Variants in PPP4R3C observed in about 807,000 individuals in gnomAD.
The protein encoded by PPP4R3C is protein phosphatase 4 regulatory subunit 3C.
For missense variants in PPP4R3C, 372 were observed against 237.3 expected (o/e 1.57, Z -3.73); for synonymous variants, 150 against 86.5 (o/e 1.73, Z -4.07).
chrX:27,461,184 C>T lies in PPP4R3C; in HGVS notation c.2113G>A (p.Glu705Lys), dbSNP rs772443707. ...PPLEDDDEFM[E>K]TKRTQEGEAV... The stretch of plus-strand genomic sequence containing the variant: ...TCTCCTTCTTGGGTTCTTTTGGTCT[C>T]CATAAATTCATCGTCATCTTCCAGT... The change falls in exon 1 of 1, where the codon GAG becomes AAG. Residue 705 changes from glutamate to lysine, a missense_variant. Physicochemically the swap from Glu to Lys is moderately conservative, Grantham distance 56 (BLOSUM62 1). Transcript: ENST00000412172. The T allele has an allele frequency of 5.9e-6, 3 of 512,406 alleles. No individual in the cohort carries two copies. The East Asian group carries it at 1.1e-4, about 19-fold the overall frequency. 42.2% of individuals were successfully genotyped at this position (512,406 alleles called of 1,213,427 possible).
chrX:27,462,700 C>T lies in PPP4R3C; in HGVS notation c.597G>A (p.Lys199=), dbSNP rs1922997308. The T allele has an allele frequency of 1.7e-5, 9 of 535,898 alleles. No homozygotes were observed. Among genetic ancestry groups the T allele is most frequent in the Non-Finnish European group, 2.7e-5 (8 of 297,051 alleles). 44.2% of individuals were successfully genotyped at this position (535,898 alleles called of 1,213,427 possible). ...EGLHHLYEII[K]GILFLNEACL... ...ATGCCTCGTTGAGGAACAAAATTCC[C>T]TTAATAATTTCATACAAATGGTGTA... Residue 199 remains lysine (K), a synonymous_variant, in exon 1 of 1, where the codon AAG becomes AAA. Transcript: ENST00000412172.
At position 27,461,491 on chromosome X, in the gene PPP4R3C, A is replaced by T; in HGVS notation, c.1806T>A (p.Ala602=). The T allele has an allele frequency of 1.9e-6, 1 of 517,854 alleles. No individual in the cohort carries two copies. The highest frequency in any genetic ancestry group is 2.5e-5 in the South Asian group (1 of 40,520). 42.7% of individuals were successfully genotyped at this position (517,854 alleles called of 1,213,427 possible). A position where few individuals can be genotyped will look rare whatever the true frequency, so the allele number is the denominator to read the frequency against. The change falls in exon 1 of 1, where the codon GCT becomes GCA. Residue 602 remains alanine (A), a synonymous_variant. Coordinates refer to ENST00000412172, the MANE Select transcript of PPP4R3C (RefSeq NM_207319.4). The part of the protein sequence containing the change: ...NGTRYNMLNS[A]ILELFEYIRV... ...TTATGTATTCAAATAGCTCAAGAAT[A>T]GCTGAATTCAACATATTGTACCGAG...
At position 27,462,213 on chromosome X, in the gene PPP4R3C, A is replaced by G. The variant is rs1755300118; in HGVS notation, c.1084T>C (p.Leu362=). Reference sequence around the variant, plus strand: ...ATTTTAAGAGCAGGAAGAACTCCCAACTGTATCAACGTTTCAAATAGTGCA... The same window carrying G: ...ATTTTAAGAGCAGGAAGAACTCCCAGCTGTATCAACGTTTCAAATAGTGCA... ...KDALFETLIQ[L]GVLPALKIVM... Residue 362 remains leucine, a synonymous_variant, in exon 1 of 1, where the codon TTG becomes CTG. Coordinates refer to ENST00000412172, the MANE Select transcript of PPP4R3C (RefSeq NM_207319.4). The G allele has an allele frequency of 3.9e-6, 2 of 514,946 alleles. No individual in the cohort carries two copies. Among genetic ancestry groups the G allele is most frequent in the Non-Finnish European group, 7.0e-6 (2 of 287,007 alleles). The allele number at this position is 514,946 out of a possible 1,213,427, so 42.4% of individuals were successfully genotyped here.
chrX:27,461,246 C>T lies in PPP4R3C; in HGVS notation c.2051G>A (p.Cys684Tyr), dbSNP rs1177871466. The T allele has an allele frequency of 2.1e-5, 11 of 513,505 alleles. No individual in the cohort carries two copies. The highest frequency in any genetic ancestry group is 1.9e-4 in the Admixed American group (7 of 37,589). 42.3% of individuals were successfully genotyped at this position (513,505 alleles called of 1,213,427 possible). The change falls in exon 1 of 1, where the codon TGT becomes TAT. Residue 684 changes from cysteine to tyrosine, a missense_variant. Physicochemically the swap from Cys to Tyr is radical, Grantham distance 194 (BLOSUM62 -2). Coordinates refer to ENST00000412172, the MANE Select transcript of PPP4R3C (RefSeq NM_207319.4). ...IEEIGLEEEI[C>Y]FMEDAGEVVM... is the part of the protein sequence containing the mutation. ...TACTTCTCCTGCATCTTCCATAAAACATATTTCTTCTTCCAGCCCAATTTC... is the reference window on the plus strand; with the variant it reads ...TACTTCTCCTGCATCTTCCATAAAATATATTTCTTCTTCCAGCCCAATTTC...
rs755523523 is a variant in PPP4R3C at position 27,462,713 on chromosome X, T to C, written c.584A>G (p.Tyr195Cys). Residue 195 changes from tyrosine (Y) to cysteine (C), a missense_variant, in exon 1 of 1, where the codon TAT becomes TGT. Physicochemically the swap from Tyr to Cys is radical, Grantham distance 194 (BLOSUM62 -2). Coordinates refer to ENST00000412172, the MANE Select transcript of PPP4R3C (RefSeq NM_207319.4). ...LENTEGLHHL[Y>C]EIIKGILFLN... ...GAACAAAATTCCCTTAATAATTTCA[T>C]ACAAATGGTGTAAACCTTCAGTATT... 1 of 529,836 alleles carries C rather than the reference T, an allele frequency of 1.9e-6. No individual in the cohort carries two copies. The highest frequency in any genetic ancestry group is 2.4e-5 in the South Asian group (1 of 41,526). 43.7% of individuals were successfully genotyped at this position (529,836 alleles called of 1,213,427 possible).
chrX:27,463,110 C>A lies in PPP4R3C; in HGVS notation c.187G>T (p.Gly63Trp), dbSNP rs181556689. 6.8e-5 allele frequency: 35 copies of A among 512,563 alleles called. No homozygotes were observed. The highest frequency in any genetic ancestry group is 1.1e-4 in the Non-Finnish European group (31 of 286,623). 42.2% of individuals were successfully genotyped at this position (512,563 alleles called of 1,213,427 possible). The part of the protein sequence containing the change: ...RSQIPPDRPY[G>W]KYQETLIVWY... The stretch of plus-strand genomic sequence containing the variant: ...ACAATTAGTGTCTCTTGGTATTTCC[C>A]ATAGGGCCTGTCTGGAGGTATCTGT... Residue 63 changes from glycine to tryptophan, a missense_variant, in exon 1 of 1, where the codon GGG becomes TGG. Gly to Trp is a radical substitution (Grantham distance 184). Transcript: ENST00000412172.
At position 27,461,208 on chromosome X, in the gene PPP4R3C, G is replaced by T. The variant is rs990989188; in HGVS notation, c.2089C>A (p.Leu697Met). 5.9e-6 allele frequency: 3 copies of T among 510,820 alleles called. No homozygotes were observed. The African/African-American group carries it at 7.0e-5, about 12-fold the overall frequency. 42.1% of individuals were successfully genotyped at this position (510,820 alleles called of 1,213,427 possible). The stretch of plus-strand genomic sequence containing the variant: ...TCCATAAATTCATCGTCATCTTCCA[G>T]TGGTGGCATAACTACTTCTCCTGCA... ...EDAGEVVMPPLEDDDEFMETK... is the reference protein window; with the variant it reads ...EDAGEVVMPPMEDDDEFMETK... Residue 697 changes from leucine to methionine, a missense_variant, in exon 1 of 1, where the codon CTG becomes ATG. Physicochemically the swap from Leu to Met is conservative, Grantham distance 15. Transcript: ENST00000412172.
rs1457602408 is a variant in PPP4R3C at position 27,463,313 on chromosome X, G to A, written c.-17C>T. 2 of 495,829 alleles carry A rather than the reference G, an allele frequency of 4.0e-6. No homozygotes were observed. The highest frequency in any genetic ancestry group is 7.2e-6 in the Non-Finnish European group (2 of 276,705). The allele number at this position is 495,829 out of a possible 1,213,427, so 40.9% of individuals were successfully genotyped here. On this transcript the variant is annotated 5_prime_UTR_variant, in exon 1 of 1. Transcript: ENST00000412172. ...GCCTGCCATAGCGTCCTCTGGCCTCGCCCCGTCAGGTCTGTTCTCCACGGC... is the reference window on the plus strand; with the variant it reads ...GCCTGCCATAGCGTCCTCTGGCCTCACCCCGTCAGGTCTGTTCTCCACGGC...
In PPP4R3C at chrX:27,462,915, T is replaced by C; in HGVS notation, c.382A>G (p.Ser128Gly). The change falls in exon 1 of 1, where the codon AGT becomes GGT. Residue 128 changes from serine to glycine, a missense_variant. Coordinates refer to ENST00000412172, the MANE Select transcript of PPP4R3C (RefSeq NM_207319.4). ...EEDFNEMSVI[S>G]NMVVLPDCEL... The stretch of plus-strand genomic sequence containing the variant: ...CAGTCAGGCAGCACAACCATATTAC[T>C]AATTACTGACATTTCATTAAAGTCT... The C allele has an allele frequency of 1.9e-6, 1 of 515,296 alleles. No homozygotes were observed. The highest frequency in any genetic ancestry group is 3.5e-6 in the Non-Finnish European group (1 of 287,084). The allele number at this position is 515,296 out of a possible 1,213,427, so 42.5% of individuals were successfully genotyped here.
rs1412795040 is a variant in PPP4R3C at position 27,462,813 on chromosome X, G to C, written c.484C>G (p.Leu162Val). The change falls in exon 1 of 1, where the codon CTG becomes GTG. Residue 162 changes from leucine (L) to valine (V), a missense_variant. Physicochemically the swap from Leu to Val is conservative, Grantham distance 32. Transcript: ENST00000412172. ...GCCTCATTTTTCAAGATCTCAGCCA[G>C]TCTTTCCCTATCCGTAACAGGTGAC... ...FSSPVTDRER[L>V]AEILKNEAYI... is the part of the protein sequence containing the mutation. 2 of 513,997 alleles carry C rather than the reference G, an allele frequency of 3.9e-6. 1 individual carries two copies. The highest frequency in any genetic ancestry group is 7.2e-5 in the East Asian group (2 of 27,691). The allele number at this position is 513,997 out of a possible 1,213,427, so 42.4% of individuals were successfully genotyped here.
In PPP4R3C at chrX:27,461,764, A is replaced by G; in HGVS notation, c.1533T>C (p.Leu511=). 1.9e-6 allele frequency: 1 copy of G among 515,407 alleles called. No individual in the cohort carries two copies. Among genetic ancestry groups the G allele is most frequent in the East Asian group, 3.6e-5 (1 of 27,759 alleles). 42.5% of individuals were successfully genotyped at this position (515,407 alleles called of 1,213,427 possible). A position where few individuals can be genotyped will look rare whatever the true frequency, so the allele number is the denominator to read the frequency against. ...CPNDNQTAQL[L]ALILELLTFC... ...ATGTAAGTAGCTCTAATATCAAAGC[A>G]AGCAGTTGTGCTGTTTGATTATCAT... Residue 511 remains leucine (L), a synonymous_variant, in exon 1 of 1, where the codon CTT becomes CTC. Coordinates refer to ENST00000412172, the MANE Select transcript of PPP4R3C (RefSeq NM_207319.4).
rs1172522577 is a variant in PPP4R3C, at chrX:27,460,840, T to G, written c.2457A>C (p.Glu819Asp). 3 of 510,191 alleles carry G rather than the reference T, an allele frequency of 5.9e-6. No individual in the cohort carries two copies. The highest frequency in any genetic ancestry group is 7.0e-6 in the Non-Finnish European group (2 of 286,033). 42.0% of individuals were successfully genotyped at this position (510,191 alleles called of 1,213,427 possible). A position where few individuals can be genotyped will look rare whatever the true frequency, so the allele number is the denominator to read the frequency against. Reference protein sequence around the residue: ...EDEEEKEEDKEDETSPKKKPH... With the variant: ...EDEEEKEEDKDDETSPKKKPH... Reference sequence around the variant, plus strand: ...GTTTCTTCTTGGGGGATGTTTCATCTTCTTTATCTTCCTCTTTTTCTTCTT... The same window carrying G: ...GTTTCTTCTTGGGGGATGTTTCATCGTCTTTATCTTCCTCTTTTTCTTCTT... The change falls in exon 1 of 1, where the codon GAA becomes GAC. Residue 819 changes from glutamate (E) to aspartate (D), a missense_variant. Glu to Asp is a conservative substitution (Grantham distance 45). Coordinates refer to ENST00000412172, the MANE Select transcript of PPP4R3C (RefSeq NM_207319.4).
rs1222814368 is a variant in PPP4R3C, at chrX:27,463,012, T to C, written c.285A>G (p.Lys95=). ...QDPAGCQDIW[K]EICQAQGKDP... is the part of the protein sequence containing the mutation. ...CCTTACCTTGAGCTTGGCAAATTTC[T>C]TTCCAAATATCCTGGCAGCCGGCTG... is the stretch of plus-strand genomic sequence containing the variant. Residue 95 remains lysine, a synonymous_variant, in exon 1 of 1, where the codon AAA becomes AAG. Coordinates refer to ENST00000412172, the MANE Select transcript of PPP4R3C (RefSeq NM_207319.4). 2 of 513,314 alleles carry C rather than the reference T, an allele frequency of 3.9e-6. No homozygotes were observed. Among genetic ancestry groups the C allele is most frequent in the East Asian group, 3.6e-5 (1 of 27,646 alleles). The allele number at this position is 513,314 out of a possible 1,213,427, so 42.3% of individuals were successfully genotyped here.
rs1305786854 is a variant in PPP4R3C at position 27,462,983 on chromosome X, G to A, written c.314C>T (p.Pro105Leu). The A allele has an allele frequency of 4.3e-5, 22 of 513,101 alleles. No individual in the cohort carries two copies. Among genetic ancestry groups the A allele is most frequent in the Non-Finnish European group, 6.6e-5 (19 of 286,726 alleles). 42.3% of individuals were successfully genotyped at this position (513,101 alleles called of 1,213,427 possible). A position where few individuals can be genotyped will look rare whatever the true frequency, so the allele number is the denominator to read the frequency against. The change falls in exon 1 of 1, where the codon CCG becomes CTG. Residue 105 changes from proline to leucine, a missense_variant. Pro to Leu is a moderately conservative substitution (Grantham distance 98). Transcript: ENST00000412172. ...AATGTTCACTGTGGTTTGGATAGAC[G>A]GATCCTTACCTTGAGCTTGGCAAAT... is the stretch of plus-strand genomic sequence containing the variant. ...KEICQAQGKD[P>L]SIQTTVNISD...
chrX:27,461,120 G>A lies in PPP4R3C; in HGVS notation c.2177C>T (p.Thr726Met), dbSNP rs779418333. ...TTCTTGGTGGGTTCTTTTGGTCTCC[G>A]TAAATTTATCGTCATCTTCCAGTGG... ...MPPLEDDDKF[T>M]ETKRTHQEGE... is the part of the protein sequence containing the mutation. The change falls in exon 1 of 1, where the codon ACG (threonine) becomes ATG (methionine). Residue 726 changes from threonine to methionine, a missense_variant. Physicochemically the swap from Thr to Met is moderately conservative, Grantham distance 81. Transcript: ENST00000412172. 6.1e-5 allele frequency: 31 copies of A among 506,649 alleles called. No homozygotes were observed. The highest frequency in any genetic ancestry group is 4.4e-4 in the African/African-American group (18 of 41,308). 41.8% of individuals were successfully genotyped at this position (506,649 alleles called of 1,213,427 possible).
rs1922954863 is a variant in PPP4R3C at position 27,461,142 on chromosome X, G to A, written c.2155C>T (p.Leu719=). Residue 719 remains leucine, a synonymous_variant, in exon 1 of 1, where the codon CTG becomes TTG. Coordinates refer to ENST00000412172, the MANE Select transcript of PPP4R3C (RefSeq NM_207319.4). ...TCCGTAAATTTATCGTCATCTTCCA[G>A]TGGTGGCATAACTGCTTCTCCTTCT... is the stretch of plus-strand genomic sequence containing the variant. The part of the protein sequence containing the change: ...TQEGEAVMPP[L]EDDDKFTETK... The A allele has an allele frequency of 7.8e-6, 4 of 513,400 alleles. No homozygotes were observed. The highest frequency in any genetic ancestry group is 2.7e-5 in the Admixed American group (1 of 37,663). 42.3% of individuals were successfully genotyped at this position (513,400 alleles called of 1,213,427 possible).
rs1922942683 is a variant in PPP4R3C at position 27,460,789 on chromosome X, A to G, written c.*9T>C. 1 of 485,445 alleles carries G rather than the reference A, an allele frequency of 2.1e-6. No individual in the cohort carries two copies. The highest frequency in any genetic ancestry group is 2.4e-5 in the African/African-American group (1 of 41,572). 40.0% of individuals were successfully genotyped at this position (485,445 alleles called of 1,213,427 possible). ...TTGAGCCACATTTTGAGGGTGCCCC[A>G]TATAGATTTTAGGAGCTAAGATGAG... On this transcript the variant is annotated 3_prime_UTR_variant, in exon 1 of 1. Transcript: ENST00000412172.
Position 27,461,839 on chromosome X carries a change from G to A in PPP4R3C, c.1458C>T (p.Asn486=). 3.9e-6 allele frequency: 2 copies of A among 515,304 alleles called. No homozygotes were observed. The highest frequency in any genetic ancestry group is 2.5e-5 in the South Asian group (1 of 40,770). 42.5% of individuals were successfully genotyped at this position (515,304 alleles called of 1,213,427 possible). ...ATCCAGCTATATCATCCTCCTCACA[G>A]TTGTGTTCTGAGGTGGCAGCCAAAA... The part of the protein sequence containing the change: ...APLLAATSEH[N]CEEDDIAGYD... Residue 486 remains asparagine, a synonymous_variant, in exon 1 of 1, where the codon AAC becomes AAT. Coordinates refer to ENST00000412172, the MANE Select transcript of PPP4R3C (RefSeq NM_207319.4).
rs1480258227 is a variant in PPP4R3C at position 27,462,863 on chromosome X, G to C, written c.434C>G (p.Ala145Gly). Residue 145 changes from alanine (A) to glycine (G), a missense_variant, in exon 1 of 1, where the codon GCT (alanine) becomes GGT (glycine). Coordinates refer to ENST00000412172, the MANE Select transcript of PPP4R3C (RefSeq NM_207319.4). ...CGAGAAAACTGAGGTAACTATGTCA[G>C]CAATTTGATCAAGTGTATTGAGTTC... ...DCELNTLDQI[A>G]DIVTSVFSSP... is the part of the protein sequence containing the mutation. 1.9e-6 allele frequency: 1 copy of C among 515,154 alleles called. No homozygotes were observed. The highest frequency in any genetic ancestry group is 3.5e-6 in the Non-Finnish European group (1 of 287,072). 42.5% of individuals were successfully genotyped at this position (515,154 alleles called of 1,213,427 possible).
Sources: gnomAD v4.1 joint callset for allele counts on GRCh38, gnomAD v4.1.1 for gene constraint, MANE v1.5 for transcripts, NCBI Gene and HGNC (gene_info 2026-07-23, HGNC 2026-07-21) for gene names.